HIP1: variants seen among roughly 807,000 people sequenced by gnomAD.
HIP1 encodes huntingtin interacting protein 1.
In HIP1, 65 loss-of-function variants were observed where a neutral mutation model predicts 147.6. The ratio of observed to expected loss-of-function variants is 0.44; its 90% CI spans 0.36 to 0.54. HIP1 has a LOEUF of 0.54. Among genes scored for constraint, HIP1 ranks in the 20% least tolerant of loss-of-function variants. The pLI is 0.00. For missense variants in HIP1, 1,061 were observed against 1,299.6 expected, an observed-to-expected ratio of 0.82 and a Z score of 2.82; for synonymous variants, 479 against 504.0, an observed-to-expected ratio of 0.95 and a Z score of 0.67.
intron 1 of HIP1, among the ~76,000 whole-genome samples, chr7:75,640,063 A>G (rs1798596850): frequency 6.6e-6 from 1 of 152,212 alleles, no homozygotes; most frequent in Admixed American, 6.5e-5. Context: ...CCGAAATGCA[A>G]GGCAGACATT....
At chr7:75,684,830 G>A (rs1222800353) in intron 1 of HIP1, among the ~76,000 whole-genome samples, 1 of 152,026 alleles carries the variant, frequency 6.6e-6, no homozygotes, top group Non-Finnish European at 1.5e-5. Flanking sequence ...GGTGGCTCAC[G>A]CCTGTAATCC....
Position 75,646,381 on chromosome 7 carries a change from C to T in HIP1, c.121-47134G>A, listed in dbSNP as rs184069071. ...GGATTACGAGCGTGAGCCACCTCGC[C>T]TGGCCACAGTCATTAAATCTAATGA... On this transcript the variant is annotated intron_variant, in intron 1 of 30. Transcript: ENST00000336926. 5.8e-3 allele frequency among the ~76,000 whole-genome samples: 882 copies of T among 152,376 alleles called. 25 individuals carry two copies. Among genetic ancestry groups the T allele is most frequent in the Admixed American group, 0.038 (580 of 15,302 alleles).
intron 1 of HIP1, among the ~76,000 whole-genome samples, chr7:75,652,942 C>G (rs1257784015): frequency 6.6e-6 from 1 of 152,098 alleles, no homozygotes; most frequent in Admixed American, 6.6e-5. Context: ...AAGCTCCCAG[C>G]AAAGCTCACA....
In HIP1 at chr7:75,535,945, C is replaced by T. The variant is rs1794066344; in HGVS notation, c.*2227G>A. On this transcript the variant is annotated 3_prime_UTR_variant, in exon 31 of 31. Transcript: ENST00000336926. ...GACAGGCTGGTCTTGAACTCCTGAC[C>T]TCAGGTGATCCTACCACCTCAGCCT... 5.7e-6 allele frequency: 1 copy of T among 176,384 alleles called. No individual in the cohort carries two copies. Among genetic ancestry groups the T allele is most frequent in the African/African-American group, 2.4e-5 (1 of 42,118 alleles). 10.9% of individuals were successfully genotyped at this position (176,384 alleles called of 1,614,324 possible). A position where few individuals can be genotyped will look rare whatever the true frequency, so the allele number is the denominator to read the frequency against.
intron 7 of HIP1, among the ~76,000 whole-genome samples, chr7:75,578,555 G>A (rs991918496): frequency 2.5e-4 from 38 of 152,118 alleles, no homozygotes; most frequent in African/African-American, 4.8e-5. Context: ...GTGCGTGCCC[G>A]TAGTCCCAGC....
At chr7:75,572,039 A>G (rs1554496717) in intron 8 of HIP1, among the ~76,000 whole-genome samples, 1 of 152,078 alleles carries the variant, frequency 6.6e-6, no homozygotes, top group Admixed American at 6.6e-5. Flanking sequence ...GGGAAACCCC[A>G]TCTCTACTAA....
intron 2 of HIP1, among the ~76,000 whole-genome samples, chr7:75,594,211 CAG>C (rs2116979811): frequency 6.6e-6 from 1 of 151,792 alleles, no homozygotes; most frequent in South Asian, 2.1e-4. Flanking sequence ...ACCCGGGAGG[CAG>C]AGATTGCAGT....
intron 3 of HIP1, 68 bp downstream of exon 3, chr7:75,592,304 G>A: frequency 6.5e-7 from 1 of 1,541,606 alleles, no homozygotes; most frequent in Non-Finnish European, 8.8e-7. Context: ...CAGCCTCTGT[G>A]GCCCAGGCAG....
intron 2 of HIP1, among the ~76,000 whole-genome samples, chr7:75,596,075 T>C (rs1322655998): frequency 6.6e-6 from 1 of 151,774 alleles, no homozygotes; most frequent in Non-Finnish European, 1.5e-5. Context: ...CCCATCTCTA[T>C]AAAAAATTAG....
chr7:75,555,888 T>G, intron 18 of HIP1, 138 bp downstream of exon 18: 1 of 1,045,266 alleles, frequency 9.6e-7, no homozygotes. Flanking sequence ...GCATTACACC[T>G]ACAGAATGTC....
intron 1 of HIP1, among the ~76,000 whole-genome samples, chr7:75,651,065 G>C (rs1277898142): frequency 6.6e-6 from 1 of 151,994 alleles, no homozygotes; most frequent in Non-Finnish European, 1.5e-5. Context: ...CACGACATGA[G>C]CTCTGCAACC....
rs568502419 is a variant in HIP1 at position 75,717,096 on chromosome 7, G to A, written c.120+21705C>T. Among the ~76,000 whole-genome samples the A allele has an allele frequency of 2.6e-5, 4 of 152,264 alleles. No homozygotes were observed. In the East Asian group the frequency reaches 5.8e-4, roughly 22 times the overall value. ...TGCCTCCCAAAGTGCTGGAATTACA[G>A]GCATGAGTCACCATGCCCGGCCAAT... On this transcript the variant is annotated intron_variant, in intron 1 of 30. Coordinates refer to ENST00000336926, the MANE Select transcript of HIP1 (RefSeq NM_005338.7).
In HIP1 at chr7:75,592,390, G is replaced by T; in HGVS notation, c.309C>A (p.Leu103=). The change falls in exon 3 of 31, where the codon CTC becomes CTA. Residue 103 remains leucine, a synonymous_variant. Transcript: ENST00000336926. The part of the protein sequence containing the change: ...WKFCHVFHKL[L]RDGHPNVLKD... ...AACTCACGTTCGGGTGTCCATCTCG[G>T]AGGAGTTTGTGGAACACATGGCAGA... 1 of 1,609,456 alleles carries T rather than the reference G, an allele frequency of 6.2e-7. No homozygotes were observed.
chr7:75,678,401 T>C (rs13241290), intron 1 of HIP1, among the ~76,000 whole-genome samples: 2 of 143,134 alleles, frequency 1.4e-5, no homozygotes, highest in Non-Finnish European at 3.0e-5. Flanking sequence ...TGGAGTACGG[T>C]GGCACAATCT....
At chr7:75,708,056 C>G (rs935227546) in intron 1 of HIP1, among the ~76,000 whole-genome samples, 2 of 146,710 alleles carry the variant, frequency 1.4e-5, no homozygotes, top group Admixed American at 1.4e-4. Context: ...ACTTCATGTC[C>G]AAAACACCAA....
chr7:75,637,315 GC>G (rs1156733790), intron 1 of HIP1, among the ~76,000 whole-genome samples: 4 of 152,210 alleles, frequency 2.6e-5, no homozygotes, highest in Non-Finnish European at 5.9e-5. Flanking sequence ...GCTTGTCCTT[GC>G]AGGCCAAGCT....
chr7:75,575,914 GAA>G (rs781931755), intron 7 of HIP1, among the ~76,000 whole-genome samples: 1 of 143,472 alleles, frequency 7.0e-6, no homozygotes, highest in Admixed American at 7.0e-5. Flanking sequence ...TCTGGCAGCT[GAA>G]AAAAAAAAAA....
chr7:75,582,676 G>A (rs587655454), intron 5 of HIP1, among the ~76,000 whole-genome samples: 145 of 152,248 alleles, frequency 9.5e-4, no homozygotes, highest in Non-Finnish European at 5.0e-4. Context: ...CGGGTGTGGT[G>A]GTGCACGCCT....
At chr7:75,550,692 A>C (rs1357477343) in intron 22 of HIP1, among the ~76,000 whole-genome samples, 1 of 152,110 alleles carries the variant, frequency 6.6e-6, no homozygotes, top group African/African-American at 2.4e-5. Context: ...GGATTTTCAG[A>C]CATGTGCCAC....
Sources: allele counts gnomAD v4.1 joint callset (sites outside exome capture counted in the v4.1 genomes callset), GRCh38; gene constraint gnomAD v4.1.1; transcripts MANE v1.5; gene names NCBI Gene and HGNC (gene_info 2026-07-23, HGNC 2026-07-21).